Variants in RASSF3 observed in about 807,000 individuals in gnomAD.
RASSF3 encodes ras association domain-containing protein 3.
Under a neutral mutation model 19.9 loss-of-function variants are expected in RASSF3, and 19 were observed. The ratio of observed to expected loss-of-function variants is 0.96; its 90% CI spans 0.67 to 1.40. The LOEUF (loss-of-function observed/expected upper bound fraction) is 1.40, where lower values mean the gene tolerates loss of function less well. Among genes scored for constraint, RASSF3 ranks in the 40% most tolerant of loss-of-function variants. The pLI is 0.00. For missense variants in RASSF3, 306 were observed against 289.8 expected, an observed-to-expected ratio of 1.06 and a Z score of -0.41; for synonymous variants, 110 against 104.2, an observed-to-expected ratio of 1.06 and a Z score of -0.34.
Position 64,684,819 on chromosome 12 carries a change from C to G in RASSF3, c.144C>G (p.Tyr48Ter). 1 of 1,613,062 alleles carries G rather than the reference C, an allele frequency of 6.2e-7. No individual in the cohort carries two copies. Among genetic ancestry groups the G allele is most frequent in the Non-Finnish European group, 8.5e-7 (1 of 1,179,152 alleles). The change falls in exon 2 of 5, where the codon TAC becomes TAG. Residue 48 changes from tyrosine (Y) to a stop codon, truncating the protein, a stop_gained. Coordinates refer to ENST00000542104, the MANE Select transcript of RASSF3 (RefSeq NM_178169.4). LOFTEE classifies it high-confidence loss of function. ...DVEKEKETHS[Y>*]LSKEEIKEKV... is the part of the protein sequence containing the mutation. ...AGAAAGAGAAGGAAACCCACAGTTA[C>G]CTCAGCAAAGAGGAGATCAAAGAGA... is the stretch of plus-strand genomic sequence containing the variant.
intron 2 of RASSF3, among the ~76,000 whole-genome samples, chr12:64,563,111 A>G (rs2136126474): frequency 6.6e-6 from 1 of 151,746 alleles, no homozygotes; most frequent in East Asian, 1.9e-4. Context: ...TGCTTCCTTT[A>G]CAATATAGCA....
chr12:64,696,724 T>C lies in RASSF3; in HGVS notation c.*1812T>C, dbSNP rs1470711013. ...CACACAATTTACTGAGACAATCATA[T>C]CTTCCTAAGCATTTAAGGAAAGTTG... On this transcript the variant is annotated 3_prime_UTR_variant, in exon 5 of 5. Coordinates refer to ENST00000542104, the MANE Select transcript of RASSF3 (RefSeq NM_178169.4). 3 of 152,240 alleles carry C rather than the reference T, an allele frequency of 2.0e-5. No homozygotes were observed. Among genetic ancestry groups the C allele is most frequent in the Non-Finnish European group, 4.4e-5 (3 of 68,032 alleles). The allele number at this position is 152,240 out of a possible 1,614,324, so 9.4% of individuals were successfully genotyped here.
At chr12:64,663,252 G>A (rs867095561) in intron 1 of RASSF3, among the ~76,000 whole-genome samples, 2 of 152,084 alleles carry the variant, frequency 1.3e-5, no homozygotes. Flanking sequence ...GCCTTCTTGT[G>A]TTACTGTCTA....
chr12:64,543,481 CCCCA>C (rs2136116774), downstream of RASSF3, among the ~76,000 whole-genome samples: 1 of 83,582 alleles, frequency 1.2e-5, no homozygotes, highest in Non-Finnish European at 2.5e-5. Flanking sequence ...CCTGCCCACC[CCCCA>C]CTCCCCCACT....
chr12:64,604,882 C>T (rs1335251414), intron 2 of RASSF3, among the ~76,000 whole-genome samples: 1 of 152,212 alleles, frequency 6.6e-6, no homozygotes, highest in Non-Finnish European at 1.5e-5. Flanking sequence ...GCCTCGGCCT[C>T]CCAAAGTGCC....
chr12:64,513,948 C>T (rs1010853127), intron 1 of RASSF3, among the ~76,000 whole-genome samples: 30 of 151,948 alleles, frequency 2.0e-4, no homozygotes, highest in Admixed American at 2.0e-3. Flanking sequence ...GGCAGGAACT[C>T]GGCTCACTGC....
At chr12:64,535,847 C>G (rs1194469468) in intron 1 of RASSF3, among the ~76,000 whole-genome samples, 1 of 151,536 alleles carries the variant, frequency 6.6e-6, no homozygotes, top group African/African-American at 2.4e-5. Context: ...ACCACCACAC[C>G]CACCTAATTT....
intron 2 of RASSF3, among the ~76,000 whole-genome samples, chr12:64,548,996 C>T (rs1388899705): frequency 3.3e-5 from 5 of 152,028 alleles, no homozygotes; most frequent in Non-Finnish European, 7.4e-5. Flanking sequence ...GAGAGTGGAT[C>T]CTTTCCCAAG....
intron 1 of RASSF3, among the ~76,000 whole-genome samples, chr12:64,649,658 G>C (rs1458234892): frequency 6.6e-6 from 1 of 152,226 alleles, no homozygotes; most frequent in African/African-American, 2.4e-5. Context: ...CGATAGCCAA[G>C]TTATCAGTGT....
At chr12:64,517,422 G>T (rs1214508015) in intron 1 of RASSF3, among the ~76,000 whole-genome samples, 1 of 151,646 alleles carries the variant, frequency 6.6e-6, no homozygotes, top group Non-Finnish European at 1.5e-5. Context: ...AAACATGGAA[G>T]AATATGAAAG....
chr12:64,606,120 T>A (rs1371188608), upstream of RASSF3, among the ~76,000 whole-genome samples: 1 of 152,038 alleles, frequency 6.6e-6, no homozygotes, highest in East Asian at 1.9e-4. Flanking sequence ...TAGGTTTCTT[T>A]TAAAAGTGAG....
chr12:64,605,382 A>T (rs1870172537), intron 2 of RASSF3, among the ~76,000 whole-genome samples: 1 of 152,078 alleles, frequency 6.6e-6, no homozygotes. Flanking sequence ...TTTTTAAGGT[A>T]AGAAAATGAA....
At chr12:64,667,883 T>G (rs1391026654) in intron 1 of RASSF3, among the ~76,000 whole-genome samples, 1 of 152,194 alleles carries the variant, frequency 6.6e-6, no homozygotes, top group Non-Finnish European at 1.5e-5. Context: ...TCTTCCAGAT[T>G]CACTGAGCCT....
chr12:64,687,227 C>T (rs1265243744), intron 2 of RASSF3, among the ~76,000 whole-genome samples: 2 of 152,148 alleles, frequency 1.3e-5, no homozygotes, highest in East Asian at 1.9e-4. Context: ...GTCTCGAACT[C>T]CTGACCTCCA....
intron 2 of RASSF3, among the ~76,000 whole-genome samples, chr12:64,583,389 A>G (rs1210428264): frequency 2.0e-5 from 3 of 152,196 alleles, no homozygotes; most frequent in Non-Finnish European, 4.4e-5. Context: ...TGGGAGGCCA[A>G]TGGGGGTGGA....
intron 1 of RASSF3, among the ~76,000 whole-genome samples, chr12:64,521,472 T>C (rs926201222): frequency 6.6e-6 from 1 of 152,174 alleles, no homozygotes; most frequent in African/African-American, 2.4e-5. Context: ...ACTCTAAAAG[T>C]AGGTAAATCT....
chr12:64,658,434 T>A lies in RASSF3; in HGVS notation c.112-26353T>A, dbSNP rs148781292. Among the ~76,000 whole-genome samples, 7 of 152,302 alleles carry A rather than the reference T, an allele frequency of 4.6e-5. No individual in the cohort carries two copies. In the East Asian group the frequency reaches 1.3e-3, roughly 29 times the overall value. On this transcript the variant is annotated intron_variant, in intron 1 of 4. Transcript: ENST00000542104. ...GGGCCAGCCATGGAGGAGACTCAAA[T>A]ACAAACACAATGTTTTTGCGCTTTG...
At position 64,610,518 on chromosome 12, in the gene RASSF3, A is replaced by G. The variant is rs1870305809; in HGVS notation, c.-115A>G. 8.2e-6 allele frequency: 3 copies of G among 366,584 alleles called. No homozygotes were observed. The highest frequency in any genetic ancestry group is 5.0e-5 in the Admixed American group (1 of 20,148). The allele number at this position is 366,584 out of a possible 1,614,324, so 22.7% of individuals were successfully genotyped here. ...CTGATTGAGCGGCGGCCGCAGCTGC[A>G]TAAGGACTGCCCGGGGCTGCGCGCC... On this transcript the variant is annotated 5_prime_UTR_variant, in exon 1 of 5. Coordinates refer to ENST00000542104, the MANE Select transcript of RASSF3 (RefSeq NM_178169.4).
chr12:64,576,241 T>C (rs1430926189), intron 2 of RASSF3, among the ~76,000 whole-genome samples: 3 of 152,164 alleles, frequency 2.0e-5, no homozygotes, highest in African/African-American at 7.2e-5. Flanking sequence ...AGAAACAGAC[T>C]GACACATTTA....
Sources: allele counts gnomAD v4.1 joint callset (sites outside exome capture counted in the v4.1 genomes callset), GRCh38; gene constraint gnomAD v4.1.1; transcripts MANE v1.5; gene names NCBI Gene and HGNC (gene_info 2026-07-23, HGNC 2026-07-21).